GLCCI1: variants seen among roughly 807,000 people sequenced by gnomAD.
The protein encoded by GLCCI1 is glucocorticoid induced 1.
In GLCCI1, 24 loss-of-function variants were observed where a neutral mutation model predicts 52.2. The observed-to-expected ratio is 0.46, with a 90% confidence interval of 0.33 to 0.65. The LOEUF (loss-of-function observed/expected upper bound fraction) is 0.65, where lower values mean the gene tolerates loss of function less well. Among genes scored for constraint, GLCCI1 ranks in the 30% least tolerant of loss-of-function variants. The pLI is 0.02. For missense variants in GLCCI1, 704 were observed against 701.5 expected (o/e 1.00, Z -0.04); for synonymous variants, 310 against 276.5 (o/e 1.12, Z -1.20).
intron 2 of GLCCI1, among the ~76,000 whole-genome samples, chr7:8,009,722 T>C (rs1781226011): frequency 6.6e-6 from 1 of 152,250 alleles, no homozygotes; most frequent in African/African-American, 2.4e-5. Context: ...TTTTGCAGTT[T>C]TAAGTCATTT....
At chr7:7,989,599 G>A (rs1357246834) in intron 1 of GLCCI1, among the ~76,000 whole-genome samples, 1 of 152,066 alleles carries the variant, frequency 6.6e-6, no homozygotes, top group Non-Finnish European at 1.5e-5. Flanking sequence ...CTTTGGTAAA[G>A]AGGTCTAGAA....
chr7:8,001,897 G>A (rs1336504516), intron 1 of GLCCI1, among the ~76,000 whole-genome samples: 1 of 152,166 alleles, frequency 6.6e-6, no homozygotes, highest in Non-Finnish European at 1.5e-5. Flanking sequence ...ATTGAACAAT[G>A]AGAACACTTG....
intron 5 of GLCCI1, among the ~76,000 whole-genome samples, chr7:8,067,063 C>T (rs1201394259): frequency 6.6e-6 from 1 of 152,022 alleles, no homozygotes; most frequent in Admixed American, 6.6e-5. Flanking sequence ...ATCTGGGTGC[C>T]CCTGTGTTGG....
chr7:8,084,710 T>A (rs1009516266), intron 6 of GLCCI1, 187 bp from the exon 7 acceptor site: 3 of 535,114 alleles, frequency 5.6e-6, no homozygotes, highest in African/African-American at 1.9e-5. Context: ...GGCAGATGAC[T>A]GTTGCATTGC....
intron 1 of GLCCI1, among the ~76,000 whole-genome samples, chr7:7,993,775 G>A (rs1227985606): frequency 7.2e-6 from 1 of 138,566 alleles, no homozygotes; most frequent in African/African-American, 2.9e-5. Context: ...ACTTACAATG[G>A]GGGTTACATC....
chr7:8,068,164 C>T (rs1216524392), intron 5 of GLCCI1, among the ~76,000 whole-genome samples: 5 of 152,180 alleles, frequency 3.3e-5, no homozygotes, highest in Admixed American at 1.3e-4. Context: ...ACCTGGCCAA[C>T]GTGGTGAAAC....
intron 3 of GLCCI1, among the ~76,000 whole-genome samples, chr7:8,040,384 G>A (rs556464813): frequency 6.6e-6 from 1 of 152,168 alleles, no homozygotes; most frequent in South Asian, 2.1e-4. Context: ...TACTCAGGAT[G>A]TTGAGACAGG....
chr7:8,039,459 AAAG>A (rs1291367480), intron 3 of GLCCI1, among the ~76,000 whole-genome samples: 1 of 152,206 alleles, frequency 6.6e-6, no homozygotes, highest in Non-Finnish European at 1.5e-5. Context: ...ATTAATTCAT[AAAG>A]AAGAATGAAA....
At chr7:7,973,698 CT>C (rs916462615) in intron 1 of GLCCI1, among the ~76,000 whole-genome samples, 4 of 151,998 alleles carry the variant, frequency 2.6e-5, no homozygotes, top group Admixed American at 6.5e-5. Context: ...TTTGATTAGA[CT>C]TTTTCATGAG....
chr7:7,974,106 G>T (rs1157132152), intron 1 of GLCCI1, among the ~76,000 whole-genome samples: 1 of 152,060 alleles, frequency 6.6e-6, no homozygotes, highest in Non-Finnish European at 1.5e-5. Flanking sequence ...TTCACATACT[G>T]ACTTTTGGGA....
intron 1 of GLCCI1, among the ~76,000 whole-genome samples, chr7:7,976,460 CAA>C (rs1216144828): frequency 1.5e-4 from 6 of 40,782 alleles, no homozygotes; most frequent in Non-Finnish European, 2.2e-4. Context: ...GCTTGGGCAA[CAA>C]GAGTGAAACT....
chr7:8,056,283 G>A (rs1401238069), intron 4 of GLCCI1, among the ~76,000 whole-genome samples: 1 of 152,246 alleles, frequency 6.6e-6, no homozygotes, highest in Non-Finnish European at 1.5e-5. Context: ...GGGTGACAGA[G>A]CGAGAATCCA....
rs1783141650 is a variant in GLCCI1 at position 8,087,497 on chromosome 7, A to G, written c.*959A>G. The G allele has an allele frequency of 6.5e-6, 1 of 152,680 alleles. No homozygotes were observed. The highest frequency in any genetic ancestry group is 1.5e-5 in the Non-Finnish European group (1 of 68,040). 9.5% of individuals were successfully genotyped at this position (152,680 alleles called of 1,614,324 possible). On this transcript the variant is annotated 3_prime_UTR_variant, in exon 8 of 8. Coordinates refer to ENST00000223145, the MANE Select transcript of GLCCI1 (RefSeq NM_138426.4). Reference sequence around the variant, plus strand: ...AAGAATGTCTAGAGTTAATTTCAAAATAAGTGAAGTGTTTGACGGAATGGT... The same window carrying G: ...AAGAATGTCTAGAGTTAATTTCAAAGTAAGTGAAGTGTTTGACGGAATGGT...
intron 2 of GLCCI1, among the ~76,000 whole-genome samples, chr7:8,007,706 A>G (rs1382746701): frequency 6.6e-6 from 1 of 152,210 alleles, no homozygotes; most frequent in Non-Finnish European, 1.5e-5. Flanking sequence ...TGCTACAGAC[A>G]TTAAACACCT....
At chr7:8,078,823 AC>A (rs1782929676) in intron 6 of GLCCI1, 2 of 152,224 alleles carry the variant, frequency 1.3e-5, no homozygotes, top group African/African-American at 4.8e-5. Context: ...GGAAACGATT[AC>A]CATCATTAAT....
At chr7:8,040,011 AAAG>A (rs1416936211) in intron 3 of GLCCI1, among the ~76,000 whole-genome samples, 11 of 151,590 alleles carry the variant, frequency 7.3e-5, no homozygotes, top group South Asian at 4.2e-4. Flanking sequence ...AAAAAAAAAA[AAAG>A]AAGAAGCCCA....
At chr7:7,999,931 C>G (rs1781020040) in intron 1 of GLCCI1, among the ~76,000 whole-genome samples, 1 of 151,978 alleles carries the variant, frequency 6.6e-6, no homozygotes, top group Admixed American at 6.6e-5. Context: ...AAACACCACC[C>G]CTTCAAAAAA....
chr7:8,029,479 A>G (rs1158893001), intron 3 of GLCCI1, among the ~76,000 whole-genome samples: 2 of 152,202 alleles, frequency 1.3e-5, no homozygotes, highest in Non-Finnish European at 2.9e-5. Flanking sequence ...TCCCACAGCT[A>G]TTATTGTGCT....
At chr7:7,981,385 C>A (rs113266259) in intron 1 of GLCCI1, among the ~76,000 whole-genome samples, 5,130 of 152,010 alleles carry the variant, frequency 0.034, 270 homozygotes, top group African/African-American at 0.11. Flanking sequence ...TGCAGTGGCA[C>A]GATCTCGGCT....
Sources: gnomAD v4.1 joint callset for allele counts (sites outside exome capture counted in the v4.1 genomes callset) on GRCh38, gnomAD v4.1.1 for gene constraint, MANE v1.5 for transcripts, NCBI Gene and HGNC (gene_info 2026-07-23, HGNC 2026-07-21) for gene names.